The following NCAM2 variants were observed in gnomAD, a reference collection of about 807,000 sequenced individuals.
NCAM2 encodes N-CAM-2.
NCAM2 carries 30 observed loss-of-function variants against 98.1 expected under a neutral mutation model. The ratio of observed to expected loss-of-function variants is 0.31; its 90% confidence interval spans 0.23 to 0.41. The LOEUF is 0.41. Among genes scored for constraint, NCAM2 ranks in the 10% least tolerant of loss-of-function variants. NCAM2 has a pLI of 1.00. For synonymous variants in NCAM2, 368 were observed against 342.4 expected (o/e 1.07, Z -0.83); for missense variants, 867 against 1,005.8 (o/e 0.86, Z 1.87).
At chr21:21,216,940 G>T (rs1432357374) in intron 1 of NCAM2, among the ~76,000 whole-genome samples, 1 of 152,076 alleles carries the variant, frequency 6.6e-6, no homozygotes, top group Admixed American at 6.6e-5. Flanking sequence ...GGAAACCTTG[G>T]TTGAAGTTTT....
intron 1 of NCAM2, among the ~76,000 whole-genome samples, chr21:21,060,283 A>G (rs1269687026): frequency 6.6e-6 from 1 of 152,182 alleles, no homozygotes; most frequent in Non-Finnish European, 1.5e-5. Context: ...AATAGTCACA[A>G]TAATCAAATT....
At chr21:21,288,044 TA>T (rs2073163509) in intron 4 of NCAM2, among the ~76,000 whole-genome samples, 1 of 151,914 alleles carries the variant, frequency 6.6e-6, no homozygotes, top group Non-Finnish European at 1.5e-5. Flanking sequence ...GTCTCTTATA[TA>T]AAAAGCATAG....
chr21:21,481,521 G>C (rs1456501896), intron 15 of NCAM2, among the ~76,000 whole-genome samples: 1 of 152,196 alleles, frequency 6.6e-6, no homozygotes, highest in Non-Finnish European at 1.5e-5. Flanking sequence ...AGAATTGTAT[G>C]TGAGGTTAGG....
chr21:21,251,897 A>G (rs1350052361), intron 1 of NCAM2, among the ~76,000 whole-genome samples: 3 of 152,076 alleles, frequency 2.0e-5, no homozygotes, highest in Non-Finnish European at 4.4e-5. Flanking sequence ...GAAGCTCTTT[A>G]GTTAAATTAG....
chr21:21,530,133 A>C (rs1384124422), intron 16 of NCAM2, among the ~76,000 whole-genome samples: 1 of 142,646 alleles, frequency 7.0e-6, no homozygotes, highest in Non-Finnish European at 1.5e-5. Context: ...ATTATATATG[A>C]TTTAATTTAA....
At chr21:21,071,678 AT>A (rs1048710680) in intron 1 of NCAM2, among the ~76,000 whole-genome samples, 2 of 152,096 alleles carry the variant, frequency 1.3e-5, no homozygotes, top group Non-Finnish European at 2.9e-5. Flanking sequence ...TGGTTTTAAT[AT>A]TTTTTTCCTC....
At chr21:21,512,974 A>C (rs1256191648) in intron 16 of NCAM2, among the ~76,000 whole-genome samples, 2 of 152,158 alleles carry the variant, frequency 1.3e-5, no homozygotes, top group African/African-American at 2.4e-5. Context: ...TAGTTCTAAT[A>C]GTTTTTTTGG....
intron 1 of NCAM2, among the ~76,000 whole-genome samples, chr21:21,255,249 C>T (rs1467633270): frequency 6.6e-6 from 1 of 152,136 alleles, no homozygotes; most frequent in Non-Finnish European, 1.5e-5. Context: ...CAGGCCTTAG[C>T]TTATGAGTAG....
chr21:21,510,469 CA>C (rs1988295675), intron 16 of NCAM2, among the ~76,000 whole-genome samples: 1 of 152,052 alleles, frequency 6.6e-6, no homozygotes, highest in Admixed American at 6.6e-5. Flanking sequence ...CTGACATCTT[CA>C]AAAATGTTGT....
intron 5 of NCAM2, among the ~76,000 whole-genome samples, chr21:21,321,286 A>G (rs1342123380): frequency 6.6e-6 from 1 of 152,050 alleles, no homozygotes; most frequent in African/African-American, 2.4e-5. Context: ...TGACTTGTTT[A>G]AGTTCCTTAT....
At chr21:21,176,308 A>G (rs1028090469) in intron 1 of NCAM2, among the ~76,000 whole-genome samples, 40 of 152,296 alleles carry the variant, frequency 2.6e-4, no homozygotes, top group African/African-American at 9.4e-4. Flanking sequence ...GACCAAAAGT[A>G]TCATCAGAAT....
At chr21:21,174,516 T>A (rs997090674) in intron 1 of NCAM2, among the ~76,000 whole-genome samples, 2 of 152,152 alleles carry the variant, frequency 1.3e-5, no homozygotes, top group Non-Finnish European at 2.9e-5. Context: ...TCAGCATCAT[T>A]TTTGCCACAT....
intron 15 of NCAM2, among the ~76,000 whole-genome samples, chr21:21,508,136 C>T (rs973715300): frequency 1.3e-5 from 2 of 152,012 alleles, no homozygotes; most frequent in African/African-American, 4.8e-5. Context: ...AACCATATGC[C>T]AAAGAAAAGT....
chr21:21,299,716 C>A (rs9981130), intron 5 of NCAM2, among the ~76,000 whole-genome samples: 6,974 of 151,398 alleles, frequency 0.046, 295 homozygotes, highest in East Asian at 0.19. Flanking sequence ...TGCAAGATTT[C>A]TTCCCATGAG....
At chr21:21,149,950 C>T (rs2067399395) in intron 1 of NCAM2, among the ~76,000 whole-genome samples, 1 of 152,056 alleles carries the variant, frequency 6.6e-6, no homozygotes, top group Non-Finnish European at 1.5e-5. Flanking sequence ...ATTGCTGGAT[C>T]AAATGGTGTT....
At chr21:21,289,341 A>G (rs2147553772) in intron 4 of NCAM2, among the ~76,000 whole-genome samples, 1 of 152,100 alleles carries the variant, frequency 6.6e-6, no homozygotes, top group South Asian at 2.1e-4. Context: ...GGAAAGATAA[A>G]TAGGTAAATC....
intron 1 of NCAM2, among the ~76,000 whole-genome samples, chr21:21,178,467 C>T (rs940345519): frequency 9.9e-5 from 15 of 152,030 alleles, no homozygotes; most frequent in African/African-American, 3.6e-4. Context: ...ATGGTTCACT[C>T]AGCAAAGCAA....
intron 4 of NCAM2, among the ~76,000 whole-genome samples, chr21:21,286,973 A>G (rs1374808970): frequency 6.6e-6 from 1 of 151,930 alleles, no homozygotes; most frequent in African/African-American, 2.4e-5. Context: ...GTTCAAGGTT[A>G]TCTACAAGTT....
intron 1 of NCAM2, among the ~76,000 whole-genome samples, chr21:21,046,116 A>G (rs181199692): frequency 8.3e-4 from 126 of 152,304 alleles, no homozygotes; most frequent in African/African-American, 3.0e-3. Flanking sequence ...TGATATATGT[A>G]AAGCACTCCG....
Sources: gnomAD v4.1 joint callset for allele counts (sites outside exome capture counted in the v4.1 genomes callset) on GRCh38, gnomAD v4.1.1 for gene constraint, MANE v1.5 for transcripts, NCBI Gene and HGNC (gene_info 2026-07-23, HGNC 2026-07-21) for gene names.